The following NEB variants were observed in gnomAD, a reference collection of about 807,000 sequenced individuals.
NEB encodes nemaline myopathy type 2.
A neutral mutation model predicts 952.2 loss-of-function variants in NEB; 512 were observed. That is an observed-to-expected ratio of 0.54 (90% CI 0.50 to 0.58). The LOEUF is 0.58. NEB is among the 20% of genes least tolerant of loss of function. The probability of loss-of-function intolerance (pLI) is 0.00; values close to 1 mark genes in which losing one functional copy is unlikely to be tolerated. For synonymous variants in NEB, 2,900 were observed against 3,149.8 expected (o/e 0.92, Z 2.66); for missense variants, 8,428 against 9,231.1 (o/e 0.91, Z 3.56).
At chr2:151,648,607 T>C (rs1379148815) in intron 54 of NEB, among the ~76,000 whole-genome samples, 1 of 152,198 alleles carries the variant, frequency 6.6e-6, no homozygotes, top group East Asian at 1.9e-4. Context: ...TGTGTATGGA[T>C]GATTCTTTGT....
At chr2:151,709,546 C>A in intron 12 of NEB, 110 bp downstream of exon 12, 1 of 749,296 alleles carries the variant, frequency 1.3e-6, no homozygotes, top group African/African-American at 1.8e-5. Context: ...CCTGGTAGTT[C>A]CCCCAAGAAC....
chr2:151,691,347 C>T (rs114072223), intron 23 of NEB, among the ~76,000 whole-genome samples: 1,878 of 152,294 alleles, frequency 0.012, 36 homozygotes, highest in African/African-American at 0.041. Flanking sequence ...CAACCTAAGA[C>T]GCCCATCCAG....
chr2:151,622,576 G>A (rs576212927), intron 71 of NEB, among the ~76,000 whole-genome samples: 2 of 152,132 alleles, frequency 1.3e-5, no homozygotes, highest in Admixed American at 6.5e-5. Context: ...ATGTGTTTGT[G>A]TATTTCTTCA....
chr2:151,546,906 T>C (rs1311491244), intron 133 of NEB, among the ~76,000 whole-genome samples: 1 of 152,182 alleles, frequency 6.6e-6, no homozygotes, highest in East Asian at 1.9e-4. Flanking sequence ...AAATAAGTCA[T>C]GTTTTTTTTC....
chr2:151,720,539 T>C (rs1230464210), intron 9 of NEB, among the ~76,000 whole-genome samples: 2 of 152,254 alleles, frequency 1.3e-5, no homozygotes, highest in Admixed American at 6.5e-5. Context: ...TTCTCTTTCA[T>C]TACATCTTCT....
chr2:151,552,689 C>A lies in NEB; in HGVS notation c.19819G>T (p.Gly6607Trp). 1 of 1,612,682 alleles carries A rather than the reference C, an allele frequency of 6.2e-7. No homozygotes were observed. The highest frequency in any genetic ancestry group is 8.5e-7 in the Non-Finnish European group (1 of 1,179,110). Residue 6607 changes from glycine to tryptophan, a missense_variant, in exon 128 of 182, where the codon GGG (glycine) becomes TGG (tryptophan). Transcript: ENST00000397345. Reference protein sequence around the residue: ...TPVYVQAVKSGKQLSDAVYHY... With the variant: ...TPVYVQAVKSWKQLSDAVYHY... Reference sequence around the variant, plus strand: ...TCACTTACGTCACTTAGCTGTTTCCCACTTTTGACAGCCTGCACGTAGACT... The same window carrying A: ...TCACTTACGTCACTTAGCTGTTTCCAACTTTTGACAGCCTGCACGTAGACT...
In NEB at chr2:151,654,044, A is replaced by G; in HGVS notation, c.6863T>C (p.Val2288Ala). 1 of 1,612,648 alleles carries G rather than the reference A, an allele frequency of 6.2e-7. No homozygotes were observed. The highest frequency in any genetic ancestry group is 8.5e-7 in the Non-Finnish European group (1 of 1,179,090). ...AGCTAGCTGTACAGAAATTGCATCA[A>G]CTGGGAGATCATAGCCTTTCTTCAA... The part of the protein sequence containing the change: ...EALKKGYDLP[V>A]DAISVQLAKA... Residue 2288 changes from valine (V) to alanine (A), a missense_variant, in exon 52 of 182, where the codon GTT (valine) becomes GCT (alanine). Physicochemically the swap from Val to Ala is moderately conservative, Grantham distance 64. This residue lies in a region of NEB where 2,851 missense variants were observed against 2,791.5 expected (regional missense o/e 1.02). Coordinates refer to ENST00000397345, the MANE Select transcript of NEB (RefSeq NM_001164508.2).
Position 151,639,936 on chromosome 2 carries a change from G to C in NEB, c.8810C>G (p.Pro2937Arg), listed in dbSNP as rs770677588. The change falls in exon 62 of 182, where the codon CCA (proline) becomes CGA (arginine). Residue 2937 changes from proline to arginine, a missense_variant. By Grantham distance (103) the Pro-to-Arg change is moderately radical. Around this residue, in one of 11 missense-constraint regions of NEB, gnomAD observed 1,772 missense variants for 1,960.3 expected, o/e 0.90. Transcript: ENST00000397345. ...CACACTGGTAAATTTGAATCTGTCT[G>C]GAGGCTGGCGATAGATTTTATCACT... is the stretch of plus-strand genomic sequence containing the variant. ...ILSDKIYRQPPDRFKFTSVTD... is the reference protein window; with the variant it reads ...ILSDKIYRQPRDRFKFTSVTD... 3.1e-6 allele frequency: 5 copies of C among 1,613,960 alleles called. No homozygotes were observed. Among genetic ancestry groups the C allele is most frequent in the Non-Finnish European group, 4.2e-6 (5 of 1,179,872 alleles).
intron 181 of NEB, 146 bp downstream of exon 181, chr2:151,489,825 T>C: frequency 2.0e-6 from 1 of 503,476 alleles, no homozygotes; most frequent in Non-Finnish European, 3.5e-6. Flanking sequence ...TTTTCTGATA[T>C]CATTAATATG....
intron 75 of NEB, 143 bp from the exon 76 acceptor site, chr2:151,616,252 T>C: frequency 1.8e-6 from 1 of 560,456 alleles, no homozygotes; most frequent in Non-Finnish European, 3.1e-6. Flanking sequence ...TAGCTTTGCC[T>C]CATGGGTGCT....
At chr2:151,688,522 A>G in intron 24 of NEB, 126 bp from the exon 25 acceptor site, 1 of 712,886 alleles carries the variant, frequency 1.4e-6, no homozygotes, top group Non-Finnish European at 2.5e-6. Flanking sequence ...CAATTCAGTC[A>G]AAGTCTCGCA....
rs33988153 is a variant in NEB, at chr2:151,575,797, T to C, written c.16911A>G (p.Pro5637=). The stretch of plus-strand genomic sequence containing the variant: ...CCTTGTCCCAAACCTCTCTGTACTT[T>C]GGCTGTGGAAAGAAACAAAAATAAT... ...AKSNAENISI[P]KYREVWDKDK... Residue 5637 remains proline (P), a splice_region_variant and synonymous_variant, in exon 107 of 182, where the codon CCA becomes CCG. Transcript: ENST00000397345. 0.22 allele frequency: 345,647 copies of C among 1,576,262 alleles called. 41,883 individuals are homozygous for C. The highest frequency in any genetic ancestry group is 0.25 in the Middle Eastern group (1,490 of 5,954).
rs1238603756 is a variant in NEB at position 151,552,717 on chromosome 2, T to C, written c.19791A>G (p.Thr6597=). ...TRNDYKLVTD[T]PVYVQAVKSG... is the part of the protein sequence containing the mutation. Reference sequence around the variant, plus strand: ...TTTTGACAGCCTGCACGTAGACTGGTGTATCTGTGACAAGCTTGTAGTCAT... The same window carrying C: ...TTTTGACAGCCTGCACGTAGACTGGCGTATCTGTGACAAGCTTGTAGTCAT... Residue 6597 remains threonine (T), a synonymous_variant, in exon 128 of 182, where the codon ACA becomes ACG. Coordinates refer to ENST00000397345, the MANE Select transcript of NEB (RefSeq NM_001164508.2). 1 of 1,613,452 alleles carries C rather than the reference T, an allele frequency of 6.2e-7. No individual in the cohort carries two copies. Among genetic ancestry groups the C allele is most frequent in the Non-Finnish European group, 8.5e-7 (1 of 1,179,602 alleles).
chr2:151,548,271 A>T (rs1227607997), intron 131 of NEB, 37 bp downstream of exon 131: 1 of 1,499,752 alleles, frequency 6.7e-7, no homozygotes, highest in Non-Finnish European at 9.3e-7. Flanking sequence ...GGCTATTGAA[A>T]CTCAATATGT....
chr2:151,650,962 T>A, intron 52 of NEB, 77 bp from the exon 53 acceptor site: 1 of 1,386,684 alleles, frequency 7.2e-7, no homozygotes, highest in South Asian at 1.5e-5. Flanking sequence ...TTCTTTTCTT[T>A]CTTTCTTTTT....
chr2:151,650,118 T>TTGAGCAAAC (rs1488199243), intron 54 of NEB, 58 bp downstream of exon 54: 120 of 1,511,392 alleles, frequency 7.9e-5, no homozygotes, highest in Middle Eastern at 1.8e-4. Flanking sequence ...GCAAGTGCTA[T>TTGAGCAAAC]TGAGCAAACA....
rs769117795 is a variant in NEB, at chr2:151,501,445, T to G, written c.23967A>C (p.Leu7989=). The G allele has an allele frequency of 6.5e-7, 1 of 1,543,706 alleles. No individual in the cohort carries two copies. The highest frequency in any genetic ancestry group is 8.8e-7 in the Non-Finnish European group (1 of 1,142,758). Residue 7989 remains leucine, a synonymous_variant, in exon 168 of 182, where the codon CTA becomes CTC. Coordinates refer to ENST00000397345, the MANE Select transcript of NEB (RefSeq NM_001164508.2). ...CTCGCTCCATCTCAGGAGTGACAGG[T>G]AGGGGAGTCCCCTTGCTCAAGTTCT... ...YKENLSKGTP[L]PVTPEMERVK...
rs114879584 is a variant in NEB, at chr2:151,508,270, C to T, written c.23347-161G>A. Among the ~76,000 whole-genome samples the T allele has an allele frequency of 2.4e-3, 365 of 152,332 alleles. 1 individual carries two copies. Among genetic ancestry groups the T allele is most frequent in the African/African-American group, 7.9e-3 (330 of 41,582 alleles). The stretch of plus-strand genomic sequence containing the variant: ...TGTTAGGGCATCGCAAGGAAGAACC[C>T]TCTCAGTCAAAGAAAGAGCACCATA... On this transcript the variant is annotated intron_variant, in intron 161 of 181. Transcript: ENST00000397345.
intron 124 of NEB, among the ~76,000 whole-genome samples, chr2:151,555,790 G>T (rs1227002428): frequency 6.6e-6 from 1 of 150,828 alleles, no homozygotes; most frequent in Non-Finnish European, 1.5e-5. Flanking sequence ...ATTTCCACTA[G>T]ATTTTTCCAA....
Sources: allele counts gnomAD v4.1 joint callset (sites outside exome capture counted in the v4.1 genomes callset), GRCh38; gene constraint gnomAD v4.1.1; regional missense constraint gnomAD v4.1.1; transcripts MANE v1.5; gene names NCBI Gene and HGNC (gene_info 2026-07-23, HGNC 2026-07-21).